NLGN1: variants seen among roughly 807,000 people sequenced by gnomAD.
NLGN1 encodes the protein neuroligin-1.
A neutral mutation model predicts 65.5 loss-of-function variants in NLGN1; 12 were observed. The ratio of observed to expected loss-of-function variants is 0.18; its 90% confidence interval spans 0.12 to 0.30. The LOEUF is 0.30. Among genes scored for constraint, NLGN1 ranks in the 10% least tolerant of loss-of-function variants. NLGN1 has a pLI of 1.00. For missense variants in NLGN1, 750 were observed against 1,007.1 expected (o/e 0.74, Z 3.46); for synonymous variants, 350 against 359.5 (o/e 0.97, Z 0.30).
intron 4 of NLGN1, among the ~76,000 whole-genome samples, chr3:174,206,316 G>A (rs1190878939): frequency 2.6e-5 from 4 of 152,124 alleles, no homozygotes; most frequent in East Asian, 1.9e-4. Context: ...TACTGGGCTC[G>A]AGGATCACAC....
chr3:173,536,934 A>G (rs1737531397), intron 2 of NLGN1, among the ~76,000 whole-genome samples: 1 of 152,174 alleles, frequency 6.6e-6, no homozygotes, highest in South Asian at 2.1e-4. Context: ...CAATGGTGTA[A>G]TTTCCAGTCT....
At chr3:173,417,349 T>C (rs1714008710) in intron 1 of NLGN1, among the ~76,000 whole-genome samples, 1 of 151,932 alleles carries the variant, frequency 6.6e-6, no homozygotes. Context: ...TTTTAAAAGC[T>C]CACTGATTAA....
intron 4 of NLGN1, among the ~76,000 whole-genome samples, chr3:174,026,952 T>G (rs1010854828): frequency 6.6e-6 from 1 of 152,082 alleles, no homozygotes. Flanking sequence ...TCAAATACAT[T>G]TATTAAGCAG....
At chr3:174,195,302 CTA>C (rs1007744657) in intron 4 of NLGN1, among the ~76,000 whole-genome samples, 4 of 152,100 alleles carry the variant, frequency 2.6e-5, no homozygotes, top group African/African-American at 9.7e-5. Context: ...TTTAAGATCT[CTA>C]TTTTAGAAAA....
intron 2 of NLGN1, among the ~76,000 whole-genome samples, chr3:173,528,135 T>C (rs574293200): frequency 6.6e-6 from 1 of 152,318 alleles, no homozygotes; most frequent in African/African-American, 2.4e-5. Context: ...GAGCATATCT[T>C]GTAGGTTCAG....
chr3:173,501,672 A>T (rs1465053138), intron 2 of NLGN1, among the ~76,000 whole-genome samples: 3 of 149,898 alleles, frequency 2.0e-5, no homozygotes, highest in Non-Finnish European at 3.0e-5. Context: ...TTAGAATTAT[A>T]TATAAAATAA....
At chr3:173,586,898 A>G (rs1376764512) in intron 2 of NLGN1, among the ~76,000 whole-genome samples, 2 of 152,222 alleles carry the variant, frequency 1.3e-5, no homozygotes, top group African/African-American at 2.4e-5. Context: ...GTCTAATAGT[A>G]TTTAAAATAT....
At chr3:174,251,607 G>A (rs1744781050) in intron 4 of NLGN1, among the ~76,000 whole-genome samples, 1 of 152,060 alleles carries the variant, frequency 6.6e-6, no homozygotes, top group South Asian at 2.1e-4. Context: ...CTTTTGGCAT[G>A]GATAACAGGT....
chr3:173,655,694 C>G (rs1759897380), intron 3 of NLGN1, among the ~76,000 whole-genome samples: 2 of 151,664 alleles, frequency 1.3e-5, no homozygotes, highest in Admixed American at 6.6e-5. Context: ...TGTACCCTAC[C>G]TACATCTCAA....
At chr3:174,130,515 A>G (rs980187668) in intron 4 of NLGN1, among the ~76,000 whole-genome samples, 4 of 152,158 alleles carry the variant, frequency 2.6e-5, no homozygotes, top group African/African-American at 7.2e-5. Flanking sequence ...TGGGTGTAAT[A>G]TAATGAAAGA....
intron 4 of NLGN1, among the ~76,000 whole-genome samples, chr3:173,946,056 A>T (rs1373289996): frequency 1.3e-5 from 2 of 152,220 alleles, no homozygotes; most frequent in African/African-American, 2.4e-5. Flanking sequence ...TAGAGATGTC[A>T]TCAGCTTTTT....
At chr3:173,523,083 T>G (rs183629561) in intron 2 of NLGN1, among the ~76,000 whole-genome samples, 6 of 151,574 alleles carry the variant, frequency 4.0e-5, no homozygotes. Flanking sequence ...TTGAAAAATG[T>G]CTCTTCATGT....
intron 4 of NLGN1, among the ~76,000 whole-genome samples, chr3:173,986,151 A>G (rs1167477875): frequency 6.6e-6 from 1 of 152,104 alleles, no homozygotes; most frequent in African/African-American, 2.4e-5. Flanking sequence ...CCATAATCCA[A>G]TATGACTGGT....
At chr3:173,585,767 A>G (rs917736709) in intron 2 of NLGN1, among the ~76,000 whole-genome samples, 3 of 152,198 alleles carry the variant, frequency 2.0e-5, no homozygotes, top group Admixed American at 6.5e-5. Flanking sequence ...CTGCCTCGCC[A>G]CTTACTGGCT....
intron 4 of NLGN1, among the ~76,000 whole-genome samples, chr3:173,907,937 C>G (rs917204227): frequency 2.0e-5 from 3 of 152,154 alleles, no homozygotes; most frequent in African/African-American, 7.2e-5. Flanking sequence ...CCAGGCTGGT[C>G]TCGAACTCCT....
At chr3:174,293,728 A>G in the NLGN1 span, among the ~76,000 whole-genome samples, 1 of 151,658 alleles carries the variant, frequency 6.6e-6, no homozygotes, top group African/African-American at 2.4e-5. Context: ...GCTGCTCAGG[A>G]GACTAGAGAA....
At chr3:173,752,064 G>A (rs1776380933) in intron 3 of NLGN1, among the ~76,000 whole-genome samples, 1 of 152,012 alleles carries the variant, frequency 6.6e-6, no homozygotes, top group Non-Finnish European at 1.5e-5. Context: ...TCTTTACCAG[G>A]CTGCTGATAA....
intron 3 of NLGN1, among the ~76,000 whole-genome samples, chr3:173,651,311 A>G (rs773649321): frequency 4.6e-5 from 7 of 151,142 alleles, no homozygotes; most frequent in Non-Finnish European, 8.8e-5. Context: ...TGTTATATAT[A>G]TGTATATATA....
chr3:174,275,856 G>A (rs907988682), intron 5 of NLGN1, among the ~76,000 whole-genome samples: 2 of 151,840 alleles, frequency 1.3e-5, no homozygotes, highest in African/African-American at 4.8e-5. Flanking sequence ...TTTATTCAGT[G>A]ATCAAAATCA....
Sources: gnomAD v4.1 joint callset for allele counts (sites outside exome capture counted in the v4.1 genomes callset) on GRCh38, gnomAD v4.1.1 for gene constraint, MANE v1.5 for transcripts, NCBI Gene and HGNC (gene_info 2026-07-23, HGNC 2026-07-21) for gene names.